Variants in PPFIA2 observed in about 807,000 individuals in gnomAD.
PPFIA2 encodes PPFI scaffold protein A2, also known as liprin-alpha-2.
PPFIA2 carries 46 observed loss-of-function variants against 175.5 expected under a neutral mutation model. That is an observed-to-expected ratio of 0.26 (90% CI 0.21 to 0.34). The LOEUF (loss-of-function observed/expected upper bound fraction) is 0.34, where lower values mean the gene tolerates loss of function less well. PPFIA2 is among the 10% of genes least tolerant of loss of function. The pLI is 1.00. For missense variants in PPFIA2, 1,179 were observed against 1,506.1 expected (o/e 0.78, Z 3.60); for synonymous variants, 568 against 511.4 (o/e 1.11, Z -1.49).
intron 5 of PPFIA2, among the ~76,000 whole-genome samples, chr12:81,454,852 A>G (rs1349452797): frequency 6.6e-6 from 1 of 152,066 alleles, no homozygotes; most frequent in Non-Finnish European, 1.5e-5. Flanking sequence ...ATATTTATTT[A>G]TGTATTTATT....
intron 3 of PPFIA2, among the ~76,000 whole-genome samples, chr12:81,729,721 T>C (rs1436993083): frequency 6.6e-6 from 1 of 151,506 alleles, no homozygotes; most frequent in African/African-American, 2.4e-5. Flanking sequence ...TTTCTCCAGC[T>C]GGAGTCTCAG....
At chr12:81,501,801 G>C (rs2060624930) in intron 4 of PPFIA2, among the ~76,000 whole-genome samples, 1 of 152,086 alleles carries the variant, frequency 6.6e-6, no homozygotes, top group South Asian at 2.1e-4. Flanking sequence ...TTCTTTTCAA[G>C]GTGAAAGTTG....
At chr12:81,338,195 T>C (rs182775311) in intron 21 of PPFIA2, among the ~76,000 whole-genome samples, 1 of 152,196 alleles carries the variant, frequency 6.6e-6, no homozygotes, top group Admixed American at 6.6e-5. Flanking sequence ...TTGCAAATAA[T>C]TATTACTCTA....
chr12:81,344,664 C>T lies in PPFIA2; in HGVS notation c.2262G>A (p.Lys754=). 6.4e-7 allele frequency: 1 copy of T among 1,555,552 alleles called. No homozygotes were observed. The highest frequency in any genetic ancestry group is 8.7e-7 in the Non-Finnish European group (1 of 1,144,656). The change falls in exon 19 of 33, where the codon AAG becomes AAA. Residue 754 remains lysine, a splice_region_variant and synonymous_variant. Coordinates refer to ENST00000549396, the MANE Select transcript of PPFIA2 (RefSeq NM_003625.5). ...ATGATGTAAAAGTTATTTACTGTAC[C>T]TTTCTCCGATGTTTCCTCAGATCAC... The part of the protein sequence containing the change: ...LPSDLRKHRR[K]IAVVEEDGRE...
At chr12:81,492,890 A>G (rs2059568608) in intron 4 of PPFIA2, among the ~76,000 whole-genome samples, 1 of 152,108 alleles carries the variant, frequency 6.6e-6, no homozygotes, top group Admixed American at 6.6e-5. Context: ...GAATCTGGAA[A>G]AAGATAAAGG....
intron 22 of PPFIA2, among the ~76,000 whole-genome samples, chr12:81,320,548 A>T (rs2053437605): frequency 3.9e-5 from 6 of 152,052 alleles, no homozygotes; most frequent in Admixed American, 3.9e-4. Flanking sequence ...GTAACTAAAG[A>T]TTGAAAATGA....
intron 13 of PPFIA2, among the ~76,000 whole-genome samples, chr12:81,367,614 A>T (rs1246967859): frequency 2.0e-5 from 3 of 151,606 alleles, no homozygotes; most frequent in Non-Finnish European, 4.4e-5. Context: ...CACTTTCTGG[A>T]CATCTACTGC....
intron 17 of PPFIA2, among the ~76,000 whole-genome samples, chr12:81,352,127 G>C (rs577314902): frequency 6.6e-6 from 1 of 152,156 alleles, no homozygotes; most frequent in African/African-American, 2.4e-5. Flanking sequence ...GGCCGAAGCT[G>C]TAAAGGCCAA....
At chr12:81,322,757 G>GC (rs1566136064) in intron 22 of PPFIA2, among the ~76,000 whole-genome samples, 1 of 152,086 alleles carries the variant, frequency 6.6e-6, no homozygotes, top group African/African-American at 2.4e-5. Flanking sequence ...AACAACAACA[G>GC]CAACTGTTTA....
chr12:81,449,165 A>G (rs904157097), intron 5 of PPFIA2, among the ~76,000 whole-genome samples: 3 of 152,172 alleles, frequency 2.0e-5, no homozygotes, highest in Admixed American at 2.0e-4. Context: ...CCATGGTTTC[A>G]GGGTTATAAA....
At chr12:81,341,531 C>A (rs73354651) in intron 19 of PPFIA2, among the ~76,000 whole-genome samples, 4,576 of 152,098 alleles carry the variant, frequency 0.03, 213 homozygotes, top group African/African-American at 0.1. Context: ...TGAATGCAGC[C>A]CAACACGAAT....
chr12:81,443,845 CTTTTTTTTTT>C (rs1183160145), intron 6 of PPFIA2, among the ~76,000 whole-genome samples: 2,074 of 70,982 alleles, frequency 0.029, 14 homozygotes, highest in Non-Finnish European at 0.045. Flanking sequence ...GCCAACCTTT[CTTTTTTTTTT>C]TTTTTTTTTT....
chr12:81,436,278 CTAAAAAAAAAAAAAAAAAAA>C, intron 7 of PPFIA2, among the ~76,000 whole-genome samples: 1 of 51,510 alleles, frequency 1.9e-5, no homozygotes, highest in Non-Finnish European at 3.3e-5. Context: ...GAGACCCTGT[CTAAAAAAAAAAAAAAAAAAA>C]AAAAAAAAAA....
At chr12:81,586,322 T>A (rs1289865317) in intron 4 of PPFIA2, among the ~76,000 whole-genome samples, 2 of 151,982 alleles carry the variant, frequency 1.3e-5, no homozygotes, top group Non-Finnish European at 2.9e-5. Flanking sequence ...CTTTTTGATA[T>A]AACTTAAAAT....
At chr12:81,322,399 GA>G (rs2139657625) in intron 22 of PPFIA2, among the ~76,000 whole-genome samples, 1 of 152,062 alleles carries the variant, frequency 6.6e-6, no homozygotes, top group East Asian at 1.9e-4. Flanking sequence ...GGCATCCCCA[GA>G]TGAAGTCCGC....
At chr12:81,529,839 G>A (rs1342541731) in intron 4 of PPFIA2, among the ~76,000 whole-genome samples, 1 of 151,802 alleles carries the variant, frequency 6.6e-6, no homozygotes, top group South Asian at 2.1e-4. Context: ...GGTGAGAGGT[G>A]AGAGAGGATA....
chr12:81,652,292 T>C (rs1183729774), intron 4 of PPFIA2, among the ~76,000 whole-genome samples: 1 of 150,200 alleles, frequency 6.7e-6, no homozygotes, highest in African/African-American at 2.5e-5. Flanking sequence ...TTTCGGCTCA[T>C]GAAGCTATAA....
intron 4 of PPFIA2, among the ~76,000 whole-genome samples, chr12:81,546,707 T>G (rs2067055095): frequency 6.6e-6 from 1 of 152,148 alleles, no homozygotes; most frequent in African/African-American, 2.4e-5. Context: ...TGCTATTTAT[T>G]ATGCATTGAC....
At chr12:81,288,615 C>T (rs1022050589) in intron 24 of PPFIA2, among the ~76,000 whole-genome samples, 1 of 151,628 alleles carries the variant, frequency 6.6e-6, no homozygotes, top group Admixed American at 6.6e-5. Flanking sequence ...AGCAGCCAGA[C>T]CTCAGAATAA....
Sources: allele counts gnomAD v4.1 joint callset (sites outside exome capture counted in the v4.1 genomes callset), GRCh38; gene constraint gnomAD v4.1.1; transcripts MANE v1.5; gene names NCBI Gene and HGNC (gene_info 2026-07-23, HGNC 2026-07-21).